The following PCDHGB3 variants were observed in gnomAD, a reference collection of about 807,000 sequenced individuals.
PCDHGB3 encodes protocadherin gamma subfamily B, 3.
PCDHGB3 carries 40 observed loss-of-function variants against 59.2 expected under a neutral mutation model. The observed-to-expected ratio is 0.68, with a 90% CI of 0.52 to 0.88. PCDHGB3 has a LOEUF of 0.88. PCDHGB3 is among the 40% of genes least tolerant of loss of function. The probability of loss-of-function intolerance (pLI) is 0.00; values close to 1 mark genes in which losing one functional copy is unlikely to be tolerated. For missense variants in PCDHGB3, 1,309 were observed against 1,187.9 expected, an observed-to-expected ratio of 1.10 and a Z score of -1.50; for synonymous variants, 581 against 503.6, an observed-to-expected ratio of 1.15 and a Z score of -2.06.
chr5:141,413,842 G>C, intron 1 of PCDHGB3: 1 of 1,613,294 alleles, frequency 6.2e-7, no homozygotes, highest in Non-Finnish European at 8.5e-7. Flanking sequence ...CGACGGGGGT[G>C]ACCCTCTCCG....
intron 1 of PCDHGB3, among the ~76,000 whole-genome samples, chr5:141,466,670 G>A (rs994949602): frequency 9.2e-5 from 14 of 152,046 alleles, no homozygotes; most frequent in African/African-American, 2.2e-4. Flanking sequence ...TGATTTCACC[G>A]TTCTTCCACT....
At chr5:141,414,919 G>A (rs2095801962) in intron 1 of PCDHGB3, 2 of 1,614,050 alleles carry the variant, frequency 1.2e-6, no homozygotes, top group African/African-American at 2.7e-5. Context: ...CGTGGAGCTG[G>A]CGCCCCGCTC....
At position 141,389,010 on chromosome 5, in the gene PCDHGB3, C is replaced by G. The variant is rs141101630; in HGVS notation, c.2415+16201C>G. ...CAAAGTCCGTGACAAGGATTCCAGA[C>G]ACAATGGAGAAGTGACTTGTAAATT... On this transcript the variant is annotated intron_variant, in intron 1 of 3. Transcript: ENST00000576222. 227 of 1,613,980 alleles carry G rather than the reference C, an allele frequency of 1.4e-4. 1 individual carries two copies. In the African/African-American group the frequency reaches 2.6e-3, roughly 18 times the overall value.
In PCDHGB3 at chr5:141,370,676, G is replaced by A. The variant is rs772923764; in HGVS notation, c.282G>A (p.Glu94=). 3 of 1,613,892 alleles carry A rather than the reference G, an allele frequency of 1.9e-6. No homozygotes were observed. Among genetic ancestry groups the A allele is most frequent in the Non-Finnish European group, 2.5e-6 (3 of 1,179,908 alleles). ...LLVSDRIDRE[E]ICGKKSTCVL... ...TGAGCGACCGTATAGACCGAGAGGA[G>A]ATTTGTGGCAAGAAGTCGACGTGTG... Residue 94 remains glutamate, a synonymous_variant, in exon 1 of 4, where the codon GAG becomes GAA. Transcript: ENST00000576222.
Position 141,494,920 on chromosome 5 carries a change from G to A in PCDHGB3, c.2474+55G>A, listed in dbSNP as rs1329724849. The A allele has an allele frequency of 1.8e-5, 29 of 1,613,680 alleles. No individual in the cohort carries two copies. The East Asian group carries it at 6.5e-4, about 36-fold the overall frequency. On this transcript the variant is annotated intron_variant, in intron 2 of 3. Coordinates refer to ENST00000576222, the MANE Select transcript of PCDHGB3 (RefSeq NM_018924.5). ...TTCTCTGCGGCATTTTCTCAGGGAT[G>A]ACGTGGGAGGAGATGGGGGAGGGCC...
Position 141,485,754 on chromosome 5 carries a change from T to A in PCDHGB3, c.2416-9053T>A, listed in dbSNP as rs770807249. ...AGCGACGGCAGCCTGGTCCCAGAGC[T>A]GCTCCTGGAGAAGCCTTTGGATCGA... On this transcript the variant is annotated intron_variant, in intron 1 of 3. Transcript: ENST00000576222. This position sits in a 1 kb window ranked among gnomAD's most constrained non-coding sequence, Gnocchi z 5.7. 1 of 1,614,236 alleles carries A rather than the reference T, an allele frequency of 6.2e-7. No individual in the cohort carries two copies. The highest frequency in any genetic ancestry group is 8.5e-7 in the Non-Finnish European group (1 of 1,180,044).
intron 1 of PCDHGB3, chr5:141,420,199 C>G (rs764130526): frequency 6.2e-7 from 1 of 1,613,362 alleles, no homozygotes; most frequent in Non-Finnish European, 8.5e-7. Flanking sequence ...CACAAGATAA[C>G]CTCAACAAAG....
intron 1 of PCDHGB3, chr5:141,398,587 C>A (rs2093675414): frequency 6.2e-7 from 1 of 1,613,860 alleles, no homozygotes. Flanking sequence ...AAGATTTATA[C>A]TAGAAGTAGC....
intron 1 of PCDHGB3, chr5:141,395,043 G>A: frequency 6.2e-7 from 1 of 1,614,150 alleles, no homozygotes. Flanking sequence ...TGTGGGTGTT[G>A]AGGAGGTACA....
At chr5:141,441,920 A>G (rs1276085080) in intron 1 of PCDHGB3, 8 of 352,988 alleles carry the variant, frequency 2.3e-5, no homozygotes, top group East Asian at 8.9e-5. Context: ...GTGAGACACA[A>G]TGCGTGGCTG....
chr5:141,383,228 T>C (rs1778950138), intron 1 of PCDHGB3: 1 of 1,613,936 alleles, frequency 6.2e-7, no homozygotes, highest in Non-Finnish European at 8.5e-7. Context: ...AACATCCTGA[T>C]GGAAGATAAA....
intron 1 of PCDHGB3, chr5:141,413,173 A>G: frequency 6.2e-7 from 1 of 1,600,856 alleles, no homozygotes; most frequent in African/African-American, 1.3e-5. Context: ...TAACCAGACT[A>G]CAATGGCCGC....
At position 141,486,464 on chromosome 5, in the gene PCDHGB3, G is replaced by A; in HGVS notation, c.2416-8343G>A. The A allele has an allele frequency of 1.2e-6, 2 of 1,614,034 alleles. No homozygotes were observed. Among genetic ancestry groups the A allele is most frequent in the Non-Finnish European group, 1.7e-6 (2 of 1,179,946 alleles). On this transcript the variant is annotated intron_variant, in intron 1 of 3. Transcript: ENST00000576222. This position sits in a 1 kb window ranked among gnomAD's most constrained non-coding sequence, Gnocchi z 5.0. ...CATCATGGTCACTGCTTCTGATGCTGGGAACCCTCCTCTCAGTACCCACAG... is the reference window on the plus strand; with the variant it reads ...CATCATGGTCACTGCTTCTGATGCTAGGAACCCTCCTCTCAGTACCCACAG...
chr5:141,503,777 G>A (rs2099830497), intron 2 of PCDHGB3, among the ~76,000 whole-genome samples: 1 of 152,074 alleles, frequency 6.6e-6, no homozygotes, highest in South Asian at 2.1e-4. Context: ...TCTGTTCTTA[G>A]GCTGAGTTCA....
In PCDHGB3 at chr5:141,491,778, C is replaced by T. The variant is rs568710854; in HGVS notation, c.2416-3029C>T. 3.1e-4 allele frequency: 482 copies of T among 1,547,678 alleles called. No homozygotes were observed. The highest frequency in any genetic ancestry group is 2.2e-3 in the Middle Eastern group (13 of 5,890). On this transcript the variant is annotated intron_variant, in intron 1 of 3. Transcript: ENST00000576222. This position sits in a 1 kb window ranked among gnomAD's most constrained non-coding sequence, Gnocchi z 6.9. Reference sequence around the variant, plus strand: ...CCGCCCGTCCTCATAAGGGATTGAACTTGCATCCACTCCTCTCCGGCCGGC... The same window carrying T: ...CCGCCCGTCCTCATAAGGGATTGAATTTGCATCCACTCCTCTCCGGCCGGC...
intron 1 of PCDHGB3, chr5:141,408,786 C>A: frequency 6.2e-7 from 1 of 1,612,430 alleles, no homozygotes; most frequent in Non-Finnish European, 8.5e-7. Flanking sequence ...CCAGAGTTAT[C>A]TCTGGAGAAA....
chr5:141,432,305 G>T lies in PCDHGB3; in HGVS notation c.2415+59496G>T. 1 of 1,614,254 alleles carries T rather than the reference G, an allele frequency of 6.2e-7. No individual in the cohort carries two copies. Among genetic ancestry groups the T allele is most frequent in the African/African-American group, 1.3e-5 (1 of 75,072 alleles). ...CAACTCCGACACTGGGGTACTGTAT[G>T]CGCTGAGCTCCTTCGACTACGAGCA... On this transcript the variant is annotated intron_variant, in intron 1 of 3. Transcript: ENST00000576222. This position sits in a 1 kb window ranked among gnomAD's most constrained non-coding sequence, Gnocchi z 6.0.
chr5:141,419,479 C>A, intron 1 of PCDHGB3: 2 of 1,612,390 alleles, frequency 1.2e-6, no homozygotes, highest in Non-Finnish European at 1.7e-6. Flanking sequence ...AGGGCTCGCC[C>A]GCGCTCAGCG....
intron 1 of PCDHGB3, chr5:141,377,502 A>G (rs1373807437): frequency 6.6e-6 from 1 of 152,050 alleles, no homozygotes. Flanking sequence ...AAGCTCTGAT[A>G]GGAGGATTGC....
Sources: allele counts gnomAD v4.1 joint callset (sites outside exome capture counted in the v4.1 genomes callset), GRCh38; gene constraint gnomAD v4.1.1; non-coding constraint Gnocchi (gnomAD v3.1); transcripts MANE v1.5; gene names NCBI Gene and HGNC (gene_info 2026-07-23, HGNC 2026-07-21).